LRP1B: variants seen among roughly 807,000 people sequenced by gnomAD.
The protein encoded by LRP1B is low-density lipoprotein receptor-related protein 1B.
A neutral mutation model predicts 556.6 loss-of-function variants in LRP1B; 217 were observed. The observed-to-expected ratio is 0.39, with a 90% CI of 0.35 to 0.44. The LOEUF (loss-of-function observed/expected upper bound fraction) is 0.44, where lower values mean the gene tolerates loss of function less well. LRP1B is among the 20% of genes least tolerant of loss of function. The pLI is 1.00. For missense variants in LRP1B, 5,053 were observed against 5,620.8 expected, an observed-to-expected ratio of 0.90 and a Z score of 3.23; for synonymous variants, 2,047 against 1,865.8, an observed-to-expected ratio of 1.10 and a Z score of -2.50.
At chr2:140,270,402 G>T in intron 85 of LRP1B, 56 bp from the exon 86 acceptor site, 3 of 1,104,868 alleles carry the variant, frequency 2.7e-6, no homozygotes, top group Non-Finnish European at 4.2e-6. Flanking sequence ...CATTATTGCT[G>T]AAAGCTGACA....
intron 24 of LRP1B, among the ~76,000 whole-genome samples, chr2:140,884,952 ATCTG>A (rs1325564035): frequency 1.3e-5 from 2 of 152,126 alleles, no homozygotes; most frequent in African/African-American, 4.8e-5. Flanking sequence ...GGGCTTAAAC[ATCTG>A]TCTGTCTCAG....
intron 25 of LRP1B, among the ~76,000 whole-genome samples, chr2:140,877,052 T>C (rs1381385826): frequency 6.6e-6 from 1 of 151,892 alleles, no homozygotes; most frequent in Non-Finnish European, 1.5e-5. Context: ...AATGCTTTCA[T>C]TTTTTTTCCT....
chr2:140,839,288 C>T (rs1692021711), intron 31 of LRP1B, among the ~76,000 whole-genome samples: 1 of 152,056 alleles, frequency 6.6e-6, no homozygotes, highest in South Asian at 2.1e-4. Context: ...AGAATGTTTC[C>T]TCCTTGCCTA....
chr2:141,970,652 C>T (rs924327494), intron 1 of LRP1B, among the ~76,000 whole-genome samples: 8 of 151,462 alleles, frequency 5.3e-5, no homozygotes, highest in Non-Finnish European at 1.0e-4. Context: ...ATAAGCTGAT[C>T]GAATCTGATA....
At position 141,339,382 on chromosome 2, in the gene LRP1B, G is replaced by A. The variant is rs143022028; in HGVS notation, c.344-84741C>T. On this transcript the variant is annotated intron_variant, in intron 3 of 90. Coordinates refer to ENST00000389484, the MANE Select transcript of LRP1B (RefSeq NM_018557.3). ...TCTAAAGTCAATACTCTGGACCTTT[G>A]ATGGAATAGAGATTAAGTCTTGAGA... is the stretch of plus-strand genomic sequence containing the variant. Among the ~76,000 whole-genome samples the A allele has an allele frequency of 2.0e-5, 3 of 151,804 alleles. No homozygotes were observed. In the East Asian group the frequency reaches 5.9e-4, roughly 30 times the overall value.
intron 49 of LRP1B, among the ~76,000 whole-genome samples, chr2:140,524,466 A>C (rs2104962770): frequency 6.6e-6 from 1 of 151,932 alleles, no homozygotes; most frequent in South Asian, 2.1e-4. Flanking sequence ...CTCATCACAT[A>C]CTCAAAGGAA....
intron 7 of LRP1B, among the ~76,000 whole-genome samples, chr2:141,153,626 CTATA>C (rs554919523): frequency 5.2e-5 from 7 of 134,876 alleles, no homozygotes; most frequent in Admixed American, 1.7e-4. Flanking sequence ...TATATATCAG[CTATA>C]TATATATATT....
intron 56 of LRP1B, 82 bp downstream of exon 56, chr2:140,495,483 T>A: frequency 7.8e-7 from 1 of 1,275,618 alleles, no homozygotes; most frequent in Non-Finnish European, 1.1e-6. Context: ...CAAGGAGGAG[T>A]GAATTCAATA....
intron 2 of LRP1B, among the ~76,000 whole-genome samples, chr2:141,750,733 T>C (rs1694077880): frequency 6.6e-6 from 1 of 152,132 alleles, no homozygotes; most frequent in African/African-American, 2.4e-5. Context: ...TGTATGATGG[T>C]ACCCAAAATG....
chr2:141,530,244 T>C (rs1423732173), intron 2 of LRP1B, among the ~76,000 whole-genome samples: 3 of 152,138 alleles, frequency 2.0e-5, no homozygotes, highest in African/African-American at 7.2e-5. Flanking sequence ...GGTTCATTCA[T>C]TAATAAAGTT....
At chr2:140,998,950 T>G (rs1697332231) in intron 15 of LRP1B, among the ~76,000 whole-genome samples, 2 of 152,022 alleles carry the variant, frequency 1.3e-5, no homozygotes, top group African/African-American at 4.8e-5. Context: ...AAATCAGACA[T>G]CCAGAAGAAT....
chr2:140,356,644 A>G (rs1486400208), intron 74 of LRP1B, among the ~76,000 whole-genome samples, 168 bp from the exon 75 acceptor site: 2 of 151,862 alleles, frequency 1.3e-5, no homozygotes, highest in Non-Finnish European at 2.9e-5. Context: ...TTATAAATGT[A>G]TAGAAGTATA....
intron 3 of LRP1B, among the ~76,000 whole-genome samples, chr2:141,279,437 C>G (rs72979281): frequency 0.018 from 2,756 of 152,090 alleles, 78 homozygotes; most frequent in African/African-American, 0.063. Flanking sequence ...GAAGTGATTA[C>G]TCAAAGAGTT....
chr2:140,297,747 C>T (rs577130723), intron 84 of LRP1B, 61 bp downstream of exon 84: 4 of 1,509,896 alleles, frequency 2.6e-6, no homozygotes, highest in African/African-American at 1.4e-5. Flanking sequence ...GGAGTGGATA[C>T]AGGAAATCAG....
chr2:141,229,160 T>C, intron 6 of LRP1B, 23 bp downstream of exon 6: 1 of 1,609,850 alleles, frequency 6.2e-7, no homozygotes, highest in South Asian at 1.1e-5. Flanking sequence ...GGGTGGCATA[T>C]AATATTTAAT....
intron 43 of LRP1B, among the ~76,000 whole-genome samples, chr2:140,577,690 C>T (rs1270103166): frequency 6.6e-6 from 1 of 152,060 alleles, no homozygotes; most frequent in Non-Finnish European, 1.5e-5. Context: ...TCCCAAAGTG[C>T]TGAGATATGG....
At chr2:142,113,886 G>T (rs1707093417) in intron 1 of LRP1B, among the ~76,000 whole-genome samples, 2 of 152,046 alleles carry the variant, frequency 1.3e-5, no homozygotes, top group South Asian at 4.1e-4. Context: ...TCTATACACA[G>T]TCCTCCAGCT....
intron 1 of LRP1B, among the ~76,000 whole-genome samples, chr2:141,850,700 C>T (rs1299802629): frequency 1.3e-5 from 2 of 149,732 alleles, no homozygotes; most frequent in African/African-American, 4.9e-5. Flanking sequence ...ATTCCTGGCA[C>T]AATTCAATAG....
At chr2:140,351,684 G>A (rs937025115) in intron 76 of LRP1B, among the ~76,000 whole-genome samples, 4 of 151,880 alleles carry the variant, frequency 2.6e-5, no homozygotes, top group South Asian at 2.1e-4. Context: ...TAAAGCAAAT[G>A]CCAAAATTAT....
Sources: gnomAD v4.1 joint callset for allele counts (sites outside exome capture counted in the v4.1 genomes callset) on GRCh38, gnomAD v4.1.1 for gene constraint, MANE v1.5 for transcripts, NCBI Gene and HGNC (gene_info 2026-07-23, HGNC 2026-07-21) for gene names.